Variants in OCA2 observed in about 807,000 individuals in gnomAD.
OCA2 encodes the protein OCA2 melanosomal transmembrane protein.
A neutral mutation model predicts 100.2 loss-of-function variants in OCA2; 77 were observed. The ratio of observed to expected loss-of-function variants is 0.77; its 90% CI spans 0.64 to 0.93. The LOEUF is 0.93. Ranked by LOEUF, OCA2 falls within the 40% of genes least tolerant of loss-of-function variation. OCA2 has a pLI of 0.00. For synonymous variants in OCA2, 432 were observed against 439.2 expected (o/e 0.98, Z 0.21); for missense variants, 1,062 against 1,089.1 (o/e 0.98, Z 0.35).
At chr15:28,085,594 C>T (rs1028786158) in intron 1 of OCA2, among the ~76,000 whole-genome samples, 10 of 152,154 alleles carry the variant, frequency 6.6e-5, no homozygotes, top group African/African-American at 2.4e-4. Flanking sequence ...AAAAGCCCAG[C>T]CTCTCAAGGA....
intron 23 of OCA2, among the ~76,000 whole-genome samples, chr15:27,782,926 G>A (rs2032618369): frequency 6.6e-6 from 1 of 152,230 alleles, no homozygotes; most frequent in Non-Finnish European, 1.5e-5. Flanking sequence ...AATGTCACGT[G>A]TGTGATTCCA....
chr15:27,933,640 T>C (rs1410524523), intron 18 of OCA2, among the ~76,000 whole-genome samples: 1 of 152,046 alleles, frequency 6.6e-6, no homozygotes, highest in African/African-American at 2.4e-5. Flanking sequence ...TAAAGGGGGT[T>C]TTTCTCTTGC....
intron 2 of OCA2, among the ~76,000 whole-genome samples, chr15:28,044,638 T>G (rs186575629): frequency 6.6e-6 from 1 of 152,376 alleles, no homozygotes; most frequent in African/African-American, 2.4e-5. Flanking sequence ...AATCTCCAAC[T>G]ATGATTCTTT....
intron 18 of OCA2, among the ~76,000 whole-genome samples, chr15:27,941,607 G>A (rs1404932225): frequency 2.0e-5 from 3 of 152,158 alleles, no homozygotes; most frequent in Non-Finnish European, 4.4e-5. Flanking sequence ...ATGAATCCCC[G>A]CATGTGGAGA....
At chr15:27,770,948 T>TTCTTTCCTTCCC (rs2031767502) in intron 23 of OCA2, among the ~76,000 whole-genome samples, 1 of 42,892 alleles carries the variant, frequency 2.3e-5, no homozygotes, top group Non-Finnish European at 5.0e-5. Flanking sequence ...CCTTCCTTGC[T>TTCTTTCCTTCCC]TCCATCTTTC....
At chr15:27,950,632 T>C in intron 18 of OCA2, 1 of 471,436 alleles carries the variant, frequency 2.1e-6, no homozygotes, top group Non-Finnish European at 4.2e-6. Flanking sequence ...AACACAAAGC[T>C]GGAACTCCAG....
At chr15:27,820,682 G>A (rs1452938331) in intron 23 of OCA2, among the ~76,000 whole-genome samples, 2 of 152,178 alleles carry the variant, frequency 1.3e-5, no homozygotes, top group Non-Finnish European at 2.9e-5. Flanking sequence ...TCTAAATAAA[G>A]TGTGCACCTT....
intron 15 of OCA2, 46 bp downstream of exon 15, chr15:27,966,644 T>C (rs1259509820): frequency 2.5e-6 from 4 of 1,608,232 alleles, no homozygotes; most frequent in African/African-American, 1.3e-5. Flanking sequence ...CAAACAATAT[T>C]ATGGTCATGA....
At chr15:28,007,422 T>C (rs915360944) in intron 9 of OCA2, among the ~76,000 whole-genome samples, 2 of 152,138 alleles carry the variant, frequency 1.3e-5, no homozygotes, top group Admixed American at 6.5e-5. Flanking sequence ...CTTTGGGACT[T>C]TCAACAAGAA....
chr15:27,930,977 C>A (rs1205642257), intron 18 of OCA2, among the ~76,000 whole-genome samples: 1 of 152,158 alleles, frequency 6.6e-6, no homozygotes, highest in Non-Finnish European at 1.5e-5. Flanking sequence ...TATGCCTGCT[C>A]ACAACTAAAT....
chr15:27,873,661 A>G (rs186410000), intron 19 of OCA2, among the ~76,000 whole-genome samples: 1 of 152,348 alleles, frequency 6.6e-6, no homozygotes, highest in African/African-American at 2.4e-5. Context: ...TTAGTGTCAT[A>G]TAATTATCCT....
intron 19 of OCA2, among the ~76,000 whole-genome samples, chr15:27,891,755 G>A (rs2594889): frequency 0.092 from 14,021 of 152,110 alleles, 1,447 homozygotes; most frequent in African/African-American, 0.25. Flanking sequence ...AACTTTAATT[G>A]AAATGGCATA....
chr15:28,095,296 G>A (rs2044954042), intron 1 of OCA2, among the ~76,000 whole-genome samples: 1 of 152,124 alleles, frequency 6.6e-6, no homozygotes, highest in Non-Finnish European at 1.5e-5. Flanking sequence ...CCCCGCCCGG[G>A]TGCGCCCGGG....
intron 9 of OCA2, among the ~76,000 whole-genome samples, chr15:27,997,240 GGAAAGAAA>G (rs35919216): frequency 6.9e-6 from 1 of 145,428 alleles, no homozygotes; most frequent in Non-Finnish European, 1.5e-5. Context: ...GAAGGAAGGA[GGAAAGAAA>G]GAAAGAAAGA....
At chr15:27,851,344 C>T (rs370987760) in intron 22 of OCA2, 38 bp downstream of exon 22, 21 of 1,507,470 alleles carry the variant, frequency 1.4e-5, no homozygotes, top group South Asian at 4.6e-5. Flanking sequence ...ACAGTGTGGG[C>T]GTGCACCCCC....
intron 23 of OCA2, among the ~76,000 whole-genome samples, chr15:27,814,883 T>TATAGATAGATAGATAGATAG (rs201567846): frequency 3.9e-5 from 4 of 101,868 alleles, no homozygotes; most frequent in Admixed American, 9.9e-5. Context: ...ATTCTCTCTC[T>TATAGATAGATAGATAGATAG]ATAGATAGAT....
intron 23 of OCA2, among the ~76,000 whole-genome samples, chr15:27,767,594 T>TTGTAAATGCACCAATCAGCACTCTG (rs1261355924): frequency 6.6e-6 from 1 of 151,766 alleles, no homozygotes. Flanking sequence ...AGCTAAAGGA[T>TTGTAAATGCACCAATCAGCACTCTG]TGTAAATGCA....
intron 23 of OCA2, among the ~76,000 whole-genome samples, chr15:27,812,978 C>A (rs2034139230): frequency 6.6e-6 from 1 of 152,238 alleles, no homozygotes; most frequent in East Asian, 1.9e-4. Flanking sequence ...CCCAGAGACT[C>A]CCTTCTGCCC....
At chr15:28,087,007 T>TA (rs2044786988) in intron 1 of OCA2, among the ~76,000 whole-genome samples, 1 of 152,190 alleles carries the variant, frequency 6.6e-6, no homozygotes, top group Non-Finnish European at 1.5e-5. Flanking sequence ...GTATGTAGCT[T>TA]AAAAAGTATT....
Sources: allele counts gnomAD v4.1 joint callset (sites outside exome capture counted in the v4.1 genomes callset), GRCh38; gene constraint gnomAD v4.1.1; transcripts MANE v1.5; gene names NCBI Gene and HGNC (gene_info 2026-07-23, HGNC 2026-07-21).